Variants in SYTL5 observed in about 807,000 individuals in gnomAD.
The protein encoded by SYTL5 is synaptotagmin like 5.
In SYTL5, 34 loss-of-function variants were observed where a neutral mutation model predicts 55.9. That is an observed-to-expected ratio of 0.61 (90% CI 0.46 to 0.81). The LOEUF is 0.81. Ranked by LOEUF, SYTL5 falls within the 30% of genes least tolerant of loss-of-function variation. SYTL5 has a pLI of 0.00. For missense variants in SYTL5, 637 were observed against 546.7 expected, an observed-to-expected ratio of 1.17 and a Z score of -1.65; for synonymous variants, 221 against 188.7, an observed-to-expected ratio of 1.17 and a Z score of -1.40.
the SYTL5 span, chrX:37,991,054 C>T: frequency 9.1e-6 from 11 of 1,209,559 alleles, no homozygotes; most frequent in Non-Finnish European, 1.2e-5. Flanking sequence ...GGCTTGGAGG[C>T]CAGCAACAAT....
chrX:37,980,563 T>TATTCCC, the SYTL5 span, among the ~76,000 whole-genome samples: 16 of 112,183 alleles, frequency 1.4e-4, no homozygotes, highest in Admixed American at 2.8e-4. Flanking sequence ...AGCAAAAGTC[T>TATTCCC]ATGGTATTTG....
intron 6 of SYTL5, among the ~76,000 whole-genome samples, chrX:38,085,659 C>T (rs1243335517): frequency 1.8e-5 from 2 of 111,503 alleles, no homozygotes; most frequent in African/African-American, 6.5e-5. Context: ...CTCATTGTCC[C>T]AGTGAGTTTT....
the SYTL5 span, among the ~76,000 whole-genome samples, chrX:37,890,797 C>T: frequency 8.9e-6 from 1 of 112,166 alleles, no homozygotes; most frequent in African/African-American, 3.2e-5. Flanking sequence ...CGAAAAGATG[C>T]TCAACATAAC....
chrX:37,983,121 G>A, the SYTL5 span, among the ~76,000 whole-genome samples: 2 of 111,221 alleles, frequency 1.8e-5, no homozygotes, highest in South Asian at 7.4e-4. Flanking sequence ...CAGTAATATA[G>A]GAACAAAAAG....
At chrX:38,121,564 A>G (rs907983810) in intron 14 of SYTL5, among the ~76,000 whole-genome samples, 1 of 112,777 alleles carries the variant, frequency 8.9e-6, no homozygotes. Flanking sequence ...ATAAGAAAAG[A>G]AAAGTGAGGT....
chrX:38,032,349 G>C (rs1934978082), intron 1 of SYTL5, among the ~76,000 whole-genome samples: 1 of 111,889 alleles, frequency 8.9e-6, no homozygotes, highest in South Asian at 3.8e-4. Flanking sequence ...ACAAACCAAT[G>C]AAAGAATGTG....
the SYTL5 span, among the ~76,000 whole-genome samples, chrX:37,981,541 A>G: frequency 9.0e-6 from 1 of 110,721 alleles, no homozygotes; most frequent in Non-Finnish European, 1.9e-5. Flanking sequence ...AAACGATCCA[A>G]CTGCCTCAGC....
At chrX:37,924,153 A>G in the SYTL5 span, among the ~76,000 whole-genome samples, 1 of 111,601 alleles carries the variant, frequency 9.0e-6, no homozygotes, top group Non-Finnish European at 1.9e-5. Context: ...GTAAATTTAC[A>G]TCACTTGGTA....
intron 6 of SYTL5, among the ~76,000 whole-genome samples, chrX:38,088,288 A>G (rs68092274): frequency 0.26 from 28,327 of 111,076 alleles, 3,311 homozygotes; most frequent in African/African-American, 0.44. Flanking sequence ...ATTCTATTTA[A>G]CCTTTCCTCT....
At chrX:37,903,853 C>T in the SYTL5 span, among the ~76,000 whole-genome samples, 2 of 111,499 alleles carry the variant, frequency 1.8e-5, no homozygotes, top group East Asian at 5.6e-4. Flanking sequence ...CCTCCTGCCT[C>T]CTCCATGAAG....
intron 2 of SYTL5, among the ~76,000 whole-genome samples, chrX:38,045,000 G>T (rs747507904): frequency 2.7e-5 from 3 of 111,851 alleles, no homozygotes; most frequent in Non-Finnish European, 3.8e-5. Context: ...AGCTGTTTTT[G>T]TCATATTATT....
At chrX:37,968,373 C>T in the SYTL5 span, among the ~76,000 whole-genome samples, 1 of 111,408 alleles carries the variant, frequency 9.0e-6, no homozygotes, top group Non-Finnish European at 1.9e-5. Context: ...ATGTTCTGAT[C>T]CCAGGAAGCC....
the SYTL5 span, among the ~76,000 whole-genome samples, chrX:37,998,307 AAGAG>A: frequency 8.9e-6 from 1 of 112,299 alleles, no homozygotes; most frequent in South Asian, 3.7e-4. Flanking sequence ...GGCAAAGAGA[AAGAG>A]AGAAGAGTTT....
chrX:38,115,483 C>CA (rs772227891), intron 13 of SYTL5, among the ~76,000 whole-genome samples: 6,754 of 17,273 alleles, frequency 0.39, 1,485 homozygotes, highest in Non-Finnish European at 0.47. Context: ...GACTCCGTCT[C>CA]AAAAAAAAAA....
chrX:38,099,634 G>C (rs1937033071), intron 9 of SYTL5, among the ~76,000 whole-genome samples: 1 of 111,123 alleles, frequency 9.0e-6, no homozygotes, highest in Non-Finnish European at 1.9e-5. Context: ...GAATTGGTAA[G>C]AGTGGGCATA....
chrX:37,919,159 C>A, the SYTL5 span, among the ~76,000 whole-genome samples: 5 of 111,134 alleles, frequency 4.5e-5, no homozygotes, highest in African/African-American at 6.5e-5. Flanking sequence ...GAGGGGAGGA[C>A]CCCTGGACCC....
chrX:38,071,750 G>A (rs375267952), intron 3 of SYTL5, among the ~76,000 whole-genome samples: 6 of 111,797 alleles, frequency 5.4e-5, no homozygotes, highest in Admixed American at 4.8e-4. Flanking sequence ...GTGATATGAG[G>A]CACATTATTT....
chrX:38,083,588 C>T (rs935109052), intron 6 of SYTL5, among the ~76,000 whole-genome samples: 2 of 111,108 alleles, frequency 1.8e-5, no homozygotes, highest in Admixed American at 9.6e-5. Flanking sequence ...GGGGACATTG[C>T]AGCTACAGAA....
intron 1 of SYTL5, among the ~76,000 whole-genome samples, chrX:38,011,295 A>G (rs1276027591): frequency 1.8e-5 from 2 of 112,359 alleles, no homozygotes; most frequent in Non-Finnish European, 1.9e-5. Context: ...TGAGCATCAA[A>G]CAAAGGCCTC....
Sources: allele counts gnomAD v4.1 joint callset (sites outside exome capture counted in the v4.1 genomes callset), GRCh38; gene constraint gnomAD v4.1.1; transcripts MANE v1.5; gene names NCBI Gene and HGNC (gene_info 2026-07-23, HGNC 2026-07-21).